Variants in MAPKAP1 observed in about 807,000 individuals in gnomAD.
MAPKAP1 encodes MAPK associated protein 1.
MAPKAP1 carries 20 observed loss-of-function variants against 65.7 expected under a neutral mutation model. The ratio of observed to expected loss-of-function variants is 0.30; its 90% CI spans 0.21 to 0.44. MAPKAP1 has a LOEUF of 0.44. MAPKAP1 is among the 20% of genes least tolerant of loss of function. The probability of loss-of-function intolerance (pLI) is 1.00; values close to 1 mark genes in which losing one functional copy is unlikely to be tolerated. For missense variants in MAPKAP1, 423 were observed against 648.0 expected, an observed-to-expected ratio of 0.65 and a Z score of 3.77; for synonymous variants, 222 against 244.3, an observed-to-expected ratio of 0.91 and a Z score of 0.85.
intron 1 of MAPKAP1, among the ~76,000 whole-genome samples, chr9:125,679,547 G>A (rs527520789): frequency 6.5e-4 from 99 of 152,158 alleles, no homozygotes; most frequent in Non-Finnish European, 9.6e-4. Flanking sequence ...TGATTATCTC[G>A]TTGTTGACCT....
intron 4 of MAPKAP1, among the ~76,000 whole-genome samples, chr9:125,598,673 T>G (rs1832212204): frequency 6.6e-6 from 1 of 152,198 alleles, no homozygotes. Context: ...TTAAGCTCTG[T>G]GAGTCACTAT....
chr9:125,443,032 T>C (rs1175554364), intron 11 of MAPKAP1, among the ~76,000 whole-genome samples: 2 of 152,234 alleles, frequency 1.3e-5, no homozygotes, highest in African/African-American at 2.4e-5. Flanking sequence ...ACTTTATTCC[T>C]GATCCTCACT....
intron 7 of MAPKAP1, chr9:125,521,426 T>C (rs1829614460): frequency 2.8e-6 from 3 of 1,074,838 alleles, no homozygotes; most frequent in Non-Finnish European, 3.4e-6. Flanking sequence ...ATACCAAATT[T>C]TACATACAGT....
At chr9:125,683,371 T>G (rs1004534428) in intron 1 of MAPKAP1, among the ~76,000 whole-genome samples, 1 of 152,190 alleles carries the variant, frequency 6.6e-6, no homozygotes, top group African/African-American at 2.4e-5. Context: ...TTTCCTTGAT[T>G]ACTTTCCATT....
intron 9 of MAPKAP1, among the ~76,000 whole-genome samples, chr9:125,479,029 C>T (rs1036880438): frequency 3.3e-5 from 5 of 152,088 alleles, no homozygotes; most frequent in Non-Finnish European, 5.9e-5. Flanking sequence ...ATTCTTATTC[C>T]GGCTTGATTA....
intron 9 of MAPKAP1, among the ~76,000 whole-genome samples, chr9:125,483,636 C>G (rs1281077700): frequency 6.6e-6 from 1 of 152,148 alleles, no homozygotes; most frequent in African/African-American, 2.4e-5. Flanking sequence ...ATGGGAGACC[C>G]TTTGTTAGGG....
intron 3 of MAPKAP1, 108 bp from the exon 4 acceptor site, chr9:125,657,907 A>G (rs1469259204): frequency 6.5e-6 from 7 of 1,075,066 alleles, no homozygotes; most frequent in African/African-American, 1.6e-5. Context: ...ATCCAGAGAC[A>G]TGTTCAGGTC....
Position 125,598,708 on chromosome 9 carries a change from A to G in MAPKAP1, c.499-12981T>C, listed in dbSNP as rs557815845. On this transcript the variant is annotated intron_variant, in intron 4 of 11. Transcript: ENST00000265960. ...TTTTCTCACATACAAAATGTGGATA[A>G]TAAAAGTACCTCCTTAAATAATTGT... is the stretch of plus-strand genomic sequence containing the variant. Among the ~76,000 whole-genome samples, 8 of 152,312 alleles carry G rather than the reference A, an allele frequency of 5.3e-5. No individual in the cohort carries two copies. The South Asian group carries it at 1.7e-3, about 32-fold the overall frequency.
intron 3 of MAPKAP1, among the ~76,000 whole-genome samples, chr9:125,658,907 CAA>C (rs1055248089): frequency 2.6e-5 from 4 of 151,908 alleles, no homozygotes; most frequent in Admixed American, 2.0e-4. Flanking sequence ...CAAATTAAAC[CAA>C]GAGAGAGAAC....
Position 125,485,983 on chromosome 9 carries a change from G to A in MAPKAP1, c.1067-1400C>T, listed in dbSNP as rs563497564. 2.6e-5 allele frequency among the ~76,000 whole-genome samples: 4 copies of A among 152,288 alleles called. No homozygotes were observed. The East Asian group carries it at 7.7e-4, about 29-fold the overall frequency. ...TTCAGCCGTGTGCTAGAATTGCTTA[G>A]TGGTTGCTCTGTCCTAATCTGGAAG... On this transcript the variant is annotated intron_variant, in intron 8 of 11. Coordinates refer to ENST00000265960, the MANE Select transcript of MAPKAP1 (RefSeq NM_001006617.3).
intron 8 of MAPKAP1, among the ~76,000 whole-genome samples, chr9:125,496,353 C>G (rs1324911203): frequency 6.6e-6 from 1 of 152,216 alleles, no homozygotes; most frequent in Non-Finnish European, 1.5e-5. Context: ...AACACCTCCC[C>G]GCTAAAGCCA....
intron 3 of MAPKAP1, among the ~76,000 whole-genome samples, chr9:125,658,130 G>A (rs966757500): frequency 6.9e-6 from 1 of 145,682 alleles, no homozygotes; most frequent in Non-Finnish European, 1.5e-5. Context: ...CAAGCTATGT[G>A]ACAGTAGACA....
At chr9:125,451,182 G>T (rs1488299214) in intron 10 of MAPKAP1, 1 of 151,948 alleles carries the variant, frequency 6.6e-6, no homozygotes, top group African/African-American at 2.4e-5. Flanking sequence ...CTCATGTATC[G>T]AAAACATTCT....
chr9:125,545,641 A>G (rs1830400906), intron 6 of MAPKAP1, among the ~76,000 whole-genome samples: 1 of 152,184 alleles, frequency 6.6e-6, no homozygotes. Flanking sequence ...TTTCCAGCCA[A>G]TACGTTTATC....
At chr9:125,659,109 A>G (rs1834114945) in intron 3 of MAPKAP1, among the ~76,000 whole-genome samples, 1 of 152,236 alleles carries the variant, frequency 6.6e-6, no homozygotes, top group African/African-American at 2.4e-5. Flanking sequence ...CAATTAAAGT[A>G]ATATTTTAAA....
At chr9:125,688,011 G>A (rs559663156) in intron 1 of MAPKAP1, among the ~76,000 whole-genome samples, 3 of 152,166 alleles carry the variant, frequency 2.0e-5, no homozygotes, top group Non-Finnish European at 4.4e-5. Flanking sequence ...TTTGAATGGT[G>A]CTTTGTATTT....
At position 125,619,275 on chromosome 9, in the gene MAPKAP1, T is replaced by G. The variant is rs140486787; in HGVS notation, c.499-33548A>C. ...TGCCAACTTTTAGCTTAATGACAAGTACTATGGTGGTGGCAGCGATAACAT... is the reference window on the plus strand; with the variant it reads ...TGCCAACTTTTAGCTTAATGACAAGGACTATGGTGGTGGCAGCGATAACAT... On this transcript the variant is annotated intron_variant, in intron 4 of 11. Coordinates refer to ENST00000265960, the MANE Select transcript of MAPKAP1 (RefSeq NM_001006617.3). Among the ~76,000 whole-genome samples, 131 of 152,266 alleles carry G rather than the reference T, an allele frequency of 8.6e-4. 1 individual carries two copies. The highest frequency in any genetic ancestry group is 3.0e-3 in the African/African-American group (123 of 41,546).
intron 7 of MAPKAP1, among the ~76,000 whole-genome samples, chr9:125,527,891 T>C (rs1829819756): frequency 1.3e-5 from 2 of 152,230 alleles, no homozygotes; most frequent in Non-Finnish European, 2.9e-5. Context: ...CATTTGATGA[T>C]GTAATTCTCC....
chr9:125,519,449 C>T (rs1178938310), intron 7 of MAPKAP1, among the ~76,000 whole-genome samples: 2 of 151,794 alleles, frequency 1.3e-5, no homozygotes, highest in East Asian at 3.9e-4. Flanking sequence ...GCCTGAGCAA[C>T]ACAGTAAGAT....
Sources: gnomAD v4.1 joint callset for allele counts (sites outside exome capture counted in the v4.1 genomes callset) on GRCh38, gnomAD v4.1.1 for gene constraint, MANE v1.5 for transcripts, NCBI Gene and HGNC (gene_info 2026-07-23, HGNC 2026-07-21) for gene names.